Variants in FBXL13 observed in about 807,000 individuals in gnomAD.
FBXL13 encodes the protein F-box and leucine-rich repeat protein 13.
Under a neutral mutation model 83.6 loss-of-function variants are expected in FBXL13, and 67 were observed. The observed-to-expected ratio is 0.80, with a 90% CI of 0.66 to 0.98. The LOEUF (loss-of-function observed/expected upper bound fraction) is 0.98, where lower values mean the gene tolerates loss of function less well. Ranked by LOEUF, FBXL13 falls within the 50% of genes least tolerant of loss-of-function variation. FBXL13 has a pLI of 0.00. For missense variants in FBXL13, 822 were observed against 866.5 expected (o/e 0.95, Z 0.64); for synonymous variants, 272 against 299.5 (o/e 0.91, Z 0.95).
At chr7:102,861,392 CT>C (rs1349870572) in intron 16 of FBXL13, among the ~76,000 whole-genome samples, 1 of 151,636 alleles carries the variant, frequency 6.6e-6, no homozygotes, top group Non-Finnish European at 1.5e-5. Flanking sequence ...CTAATTGTTC[CT>C]TATGATTAGA....
intron 6 of FBXL13, among the ~76,000 whole-genome samples, chr7:103,002,401 G>T (rs562486621): frequency 6.6e-6 from 1 of 152,120 alleles, no homozygotes; most frequent in African/African-American, 2.4e-5. Flanking sequence ...ATTTTCAATA[G>T]ATTTATTTTT....
At chr7:102,995,816 T>TAAAG (rs1789726802) in intron 6 of FBXL13, among the ~76,000 whole-genome samples, 1 of 151,354 alleles carries the variant, frequency 6.6e-6, no homozygotes. Flanking sequence ...AATAAATAAA[T>TAAAG]AAAGGCATAG....
At chr7:102,983,423 T>C (rs10261640) in intron 6 of FBXL13, among the ~76,000 whole-genome samples, 3,433 of 139,166 alleles carry the variant, frequency 0.025, 135 homozygotes, top group African/African-American at 0.077. Flanking sequence ...TTTTTTCCCC[T>C]TTTTTTTTTT....
chr7:102,877,004 CA>C (rs776505664), intron 16 of FBXL13, among the ~76,000 whole-genome samples: 25 of 152,170 alleles, frequency 1.6e-4, no homozygotes, highest in Non-Finnish European at 3.4e-4. Flanking sequence ...CTGATGAATA[CA>C]ATCAGCAGCT....
chr7:102,880,798 A>G lies in FBXL13; in HGVS notation c.1389-2348T>C, dbSNP rs1227567359. 1.3e-5 allele frequency among the ~76,000 whole-genome samples: 2 copies of G among 152,220 alleles called. 1 individual carries two copies. The highest frequency in any genetic ancestry group is 3.8e-4 in the East Asian group (2 of 5,202). ...CAGGAGCTCAGGAACTACCTACCTG[A>G]GACCACTCTGCCCCCTTAAAGAGGT... On this transcript the variant is annotated intron_variant, in intron 14 of 19. Transcript: ENST00000313221.
chr7:102,815,314 C>T (rs1350975089), intron 19 of FBXL13, among the ~76,000 whole-genome samples: 2 of 152,008 alleles, frequency 1.3e-5, no homozygotes, highest in African/African-American at 4.8e-5. Flanking sequence ...TGTTATTTTC[C>T]TTTTGTTTAA....
At chr7:102,906,960 G>T (rs1813852755) in intron 11 of FBXL13, among the ~76,000 whole-genome samples, 1 of 151,358 alleles carries the variant, frequency 6.6e-6, no homozygotes, top group Non-Finnish European at 1.5e-5. Flanking sequence ...GGTTTTTTTT[G>T]TTTGTTTGTT....
At position 102,828,346 on chromosome 7, in the gene FBXL13, T is replaced by C. The variant is rs958884432; in HGVS notation, c.1854+4494A>G. Among the ~76,000 whole-genome samples the C allele has an allele frequency of 2.0e-5, 3 of 152,336 alleles. No individual in the cohort carries two copies. In the East Asian group the frequency reaches 5.8e-4, roughly 29 times the overall value. ...AGGTATTTTATTCTCTTTGAAGCAATTGTGATCATTTCTTTTCCTTATGAC... is the reference window on the plus strand; with the variant it reads ...AGGTATTTTATTCTCTTTGAAGCAACTGTGATCATTTCTTTTCCTTATGAC... On this transcript the variant is annotated intron_variant, in intron 18 of 19. Coordinates refer to ENST00000313221, the Ensembl canonical transcript of FBXL13.
At chr7:102,875,768 C>T (rs1809154191) in intron 16 of FBXL13, among the ~76,000 whole-genome samples, 2 of 152,136 alleles carry the variant, frequency 1.3e-5, no homozygotes, top group Admixed American at 1.3e-4. Context: ...GAAGCCACTA[C>T]TGTCCCTATG....
At chr7:103,017,563 C>T (rs1792515685) in intron 6 of FBXL13, among the ~76,000 whole-genome samples, 1 of 152,060 alleles carries the variant, frequency 6.6e-6, no homozygotes. Context: ...CGTAAAGACG[C>T]TAAAAACCTT....
chr7:102,947,192 A>G (rs954631275), intron 8 of FBXL13, among the ~76,000 whole-genome samples: 1 of 152,240 alleles, frequency 6.6e-6, no homozygotes, highest in Non-Finnish European at 1.5e-5. Flanking sequence ...TTAAGGACAT[A>G]GGACCTGAAA....
At chr7:103,063,109 C>A (rs1307657083) in intron 1 of FBXL13, among the ~76,000 whole-genome samples, 1 of 152,204 alleles carries the variant, frequency 6.6e-6, no homozygotes, top group East Asian at 1.9e-4. Flanking sequence ...CCCACAAAGA[C>A]TTTTGAAGGA....
At chr7:102,937,506 C>A (rs373073153) in intron 8 of FBXL13, among the ~76,000 whole-genome samples, 1,361 of 113,388 alleles carry the variant, frequency 0.012, no homozygotes, top group Non-Finnish European at 0.014. Flanking sequence ...GACTCTGTCT[C>A]AAAAAAAAAA....
intron 16 of FBXL13, among the ~76,000 whole-genome samples, chr7:102,869,263 C>T (rs73408204): frequency 0.19 from 28,947 of 152,102 alleles, 3,025 homozygotes; most frequent in East Asian, 0.43. Context: ...ACTTGTTGGC[C>T]GTATACATGT....
At chr7:102,999,612 G>A (rs530640681) in intron 6 of FBXL13, among the ~76,000 whole-genome samples, 83 of 152,082 alleles carry the variant, frequency 5.5e-4, no homozygotes, top group African/African-American at 2.0e-3. Flanking sequence ...GTGTATTTGG[G>A]TTTTCTATTT....
At chr7:102,961,977 T>C (rs1192459101) in intron 8 of FBXL13, among the ~76,000 whole-genome samples, 6 of 149,024 alleles carry the variant, frequency 4.0e-5, no homozygotes, top group Admixed American at 1.3e-4. Context: ...AAAGACAAAA[T>C]TGACAAATGG....
At chr7:102,967,454 G>T (rs1826105375) in intron 7 of FBXL13, among the ~76,000 whole-genome samples, 1 of 152,114 alleles carries the variant, frequency 6.6e-6, no homozygotes, top group Non-Finnish European at 1.5e-5. Flanking sequence ...TGTATTTTTA[G>T]TAGAGACAGG....
chr7:102,896,627 G>T (rs1273553774), intron 11 of FBXL13, among the ~76,000 whole-genome samples: 1 of 152,172 alleles, frequency 6.6e-6, no homozygotes, highest in Non-Finnish European at 1.5e-5. Flanking sequence ...TGAGGGCTGT[G>T]AGGAAGGATT....
chr7:102,912,739 C>T (rs1292711447), intron 11 of FBXL13, among the ~76,000 whole-genome samples: 2 of 131,764 alleles, frequency 1.5e-5, no homozygotes, highest in African/African-American at 5.5e-5. Flanking sequence ...ATGCAAAATT[C>T]TCCCTCAAAA....
Sources: gnomAD v4.1 joint callset for allele counts (sites outside exome capture counted in the v4.1 genomes callset) on GRCh38, gnomAD v4.1.1 for gene constraint, MANE v1.5 for transcripts, NCBI Gene and HGNC (gene_info 2026-07-23, HGNC 2026-07-21) for gene names.